TRPM3: variants seen among roughly 807,000 people sequenced by gnomAD.
The protein encoded by TRPM3 is transient receptor potential cation channel subfamily M member 3, also known as long transient receptor potential channel 3.
Under a neutral mutation model 181.2 loss-of-function variants are expected in TRPM3, and 77 were observed. The ratio of observed to expected loss-of-function variants is 0.42; its 90% CI spans 0.35 to 0.51. The LOEUF is 0.51. Ranked by LOEUF, TRPM3 falls within the 20% of genes least tolerant of loss-of-function variation. The pLI, the probability that TRPM3 is intolerant of heterozygous loss-of-function variation, is 0.01. For synonymous variants in TRPM3, 745 were observed against 796.4 expected (o/e 0.94, Z 1.09); for missense variants, 1,759 against 2,196.7 (o/e 0.80, Z 3.98).
rs1246455650 is a variant in TRPM3 at position 71,121,259 on chromosome 9, C to T, written c.96G>A (p.Gln32=). The T allele has an allele frequency of 2.7e-5, 43 of 1,614,048 alleles. No homozygotes were observed. Among genetic ancestry groups the T allele is most frequent in the Non-Finnish European group, 3.2e-5 (38 of 1,180,020 alleles). The change falls in exon 1 of 26, where the codon CAG becomes CAA. Residue 32 remains glutamine, a synonymous_variant. Coordinates refer to ENST00000677713, the MANE Select transcript of TRPM3 (RefSeq NM_001366145.2). ...AGTTTAGGGGTCGAGGAGCATCAGC[C>T]TGATTCATGACCCCTTCCAAATTCC... ...SWWNLEGVMN[Q]ADAPRPLNWT...
chr9:70,535,326 G>A lies in TRPM3; in HGVS notation c.*627C>T. ...CCAGAAGTGAATAGATAAGAGACAG[G>A]TGAACTATGACTGTTACCTTGTTTT... On this transcript the variant is annotated 3_prime_UTR_variant, in exon 26 of 26. Coordinates refer to ENST00000677713, the MANE Select transcript of TRPM3 (RefSeq NM_001366145.2). The A allele has an allele frequency of 7.6e-7, 1 of 1,307,812 alleles. No individual in the cohort carries two copies. Among genetic ancestry groups the A allele is most frequent in the Non-Finnish European group, 1.1e-6 (1 of 932,500 alleles). The allele number at this position is 1,307,812 out of a possible 1,614,324, so 81.0% of individuals were successfully genotyped here. A position where few individuals can be genotyped will look rare whatever the true frequency, so the allele number is the denominator to read the frequency against.
chr9:70,598,669 A>C lies in TRPM3; in HGVS notation c.2798T>G (p.Ile933Ser). 1 of 1,613,680 alleles carries C rather than the reference A, an allele frequency of 6.2e-7. No homozygotes were observed. The highest frequency in any genetic ancestry group is 8.5e-7 in the Non-Finnish European group (1 of 1,179,680). The change falls in exon 21 of 26, where the codon ATT (isoleucine) becomes AGT (serine). Residue 933 changes from isoleucine (I) to serine (S), a missense_variant and splice_region_variant. Around this residue, in one of 8 missense-constraint regions of TRPM3, gnomAD observed 100 missense variants for 123.0 expected, o/e 0.81. Transcript: ENST00000677713. Reference protein sequence around the residue: ...FTLGIEKMREILMSEPGKLLQ... With the variant: ...FTLGIEKMRESLMSEPGKLLQ... ...CAACTTCCCTGGCTCTGACATCAGA[A>C]TCTATAAGGCAGGAAGGAGAGCAGA...
chr9:71,112,730 G>A (rs763150567), intron 1 of TRPM3, among the ~76,000 whole-genome samples: 2 of 152,182 alleles, frequency 1.3e-5, no homozygotes, highest in Non-Finnish European at 1.5e-5. Context: ...AGTTGGAAGA[G>A]CTAATAATAC....
chr9:70,694,895 A>G (rs2069818189), intron 8 of TRPM3, among the ~76,000 whole-genome samples: 1 of 152,214 alleles, frequency 6.6e-6, no homozygotes, highest in Admixed American at 6.5e-5. Flanking sequence ...CACAAATACC[A>G]CACTGTTGAT....
At chr9:71,239,609 T>C (rs2081550151) in intron 1 of TRPM3, among the ~76,000 whole-genome samples, 1 of 151,758 alleles carries the variant, frequency 6.6e-6, no homozygotes. Context: ...AAACAGGGAG[T>C]ACCTTACAGA....
intron 8 of TRPM3, among the ~76,000 whole-genome samples, chr9:70,690,433 GT>G (rs1462851915): frequency 1.3e-5 from 2 of 152,190 alleles, no homozygotes; most frequent in East Asian, 3.9e-4. Flanking sequence ...TTCCTACTCA[GT>G]TTTTTCATAG....
At chr9:70,651,495 T>C (rs1169704472) in intron 9 of TRPM3, among the ~76,000 whole-genome samples, 2 of 152,184 alleles carry the variant, frequency 1.3e-5, no homozygotes, top group Non-Finnish European at 2.9e-5. Context: ...GTGTAATAAG[T>C]CAGGGACAGG....
At chr9:70,895,260 TACTA>T (rs1281648475) in intron 1 of TRPM3, among the ~76,000 whole-genome samples, 2 of 152,192 alleles carry the variant, frequency 1.3e-5, no homozygotes, top group East Asian at 1.9e-4. Flanking sequence ...GTTTAATGAT[TACTA>T]ACTTTTAACA....
chr9:70,823,920 CTGA>C (rs2093373618), intron 6 of TRPM3, among the ~76,000 whole-genome samples: 3 of 152,196 alleles, frequency 2.0e-5, no homozygotes, highest in Admixed American at 1.3e-4. Context: ...CCATCACTAA[CTGA>C]TGATGATGTT....
chr9:71,404,758 T>C (rs1441999977), intron 1 of TRPM3, among the ~76,000 whole-genome samples: 1 of 152,164 alleles, frequency 6.6e-6, no homozygotes, highest in Non-Finnish European at 1.5e-5. Context: ...AAAAGACCCA[T>C]GCCTTCCTAG....
chr9:71,020,609 G>A (rs1374272966), intron 1 of TRPM3, among the ~76,000 whole-genome samples: 1 of 152,082 alleles, frequency 6.6e-6, no homozygotes, highest in African/African-American at 2.4e-5. Context: ...GAACTAGCTG[G>A]AAAACATATG....
intron 1 of TRPM3, among the ~76,000 whole-genome samples, chr9:70,947,199 C>G (rs1443530575): frequency 6.6e-6 from 1 of 152,130 alleles, no homozygotes; most frequent in Non-Finnish European, 1.5e-5. Context: ...TCCACTTTAT[C>G]TTTTTCATTG....
chr9:71,429,504 G>C (rs1212506435), intron 1 of TRPM3, among the ~76,000 whole-genome samples: 1 of 152,164 alleles, frequency 6.6e-6, no homozygotes, highest in African/African-American at 2.4e-5. Flanking sequence ...TCCAACATGG[G>C]TAACTATCAC....
chr9:71,078,021 A>G (rs1160146365), intron 1 of TRPM3, among the ~76,000 whole-genome samples: 1 of 150,996 alleles, frequency 6.6e-6, no homozygotes, highest in Non-Finnish European at 1.5e-5. Context: ...AAATGCAGAT[A>G]TCTTTTGAGC....
intron 1 of TRPM3, among the ~76,000 whole-genome samples, chr9:71,024,044 TG>T (rs1207824148): frequency 6.6e-6 from 1 of 152,184 alleles, no homozygotes; most frequent in Non-Finnish European, 1.5e-5. Flanking sequence ...GTCAATGTCC[TG>T]GTTGTGAAAT....
chr9:71,138,004 C>T (rs552880238), intron 1 of TRPM3, among the ~76,000 whole-genome samples: 1 of 151,982 alleles, frequency 6.6e-6, no homozygotes, highest in East Asian at 1.9e-4. Flanking sequence ...ATCCCAGCTA[C>T]TCAGGAGGCT....
chr9:71,183,600 A>G (rs1283270661), intron 1 of TRPM3, among the ~76,000 whole-genome samples: 2 of 152,096 alleles, frequency 1.3e-5, no homozygotes, highest in South Asian at 2.1e-4. Context: ...ATTTCATGCT[A>G]ATTTCCCAAT....
intron 1 of TRPM3, among the ~76,000 whole-genome samples, chr9:71,145,233 C>T (rs1006461245): frequency 2.0e-5 from 3 of 152,088 alleles, no homozygotes; most frequent in Admixed American, 2.0e-4. Flanking sequence ...AATATACATG[C>T]TACCTTAAAT....
chr9:70,747,464 A>G (rs2075372248), intron 8 of TRPM3, among the ~76,000 whole-genome samples: 1 of 152,154 alleles, frequency 6.6e-6, no homozygotes, highest in African/African-American at 2.4e-5. Flanking sequence ...AAGCAATGGA[A>G]TTTTGGACTG....
Sources: allele counts gnomAD v4.1 joint callset (sites outside exome capture counted in the v4.1 genomes callset), GRCh38; gene constraint gnomAD v4.1.1; regional missense constraint gnomAD v4.1.1; transcripts MANE v1.5; gene names NCBI Gene and HGNC (gene_info 2026-07-23, HGNC 2026-07-21).